Variants in COXFA4 observed in about 807,000 individuals in gnomAD.
COXFA4 encodes cytochrome c oxidase associated subunit FA4.
the COXFA4 span, chr7:10,932,981 A>T: frequency 7.2e-5 from 11 of 152,470 alleles, no homozygotes; most frequent in African/African-American, 2.7e-4. Context: ...AAAAAAAGAA[A>T]AAAGAAAAGA....
the COXFA4 span, chr7:10,938,294 G>T: frequency 4.3e-6 from 3 of 693,090 alleles, no homozygotes; most frequent in Non-Finnish European, 7.3e-6. Context: ...ACAGGTAGAG[G>T]ATCTATAATA....
At chr7:10,933,160 A>G in the COXFA4 span, 11 of 158,654 alleles carry the variant, frequency 6.9e-5, no homozygotes, top group Admixed American at 3.1e-4. Context: ...AACCATTGTT[A>G]AAAACTGCAC....
At chr7:10,938,534 TA>T in the COXFA4 span, 1 of 433,682 alleles carries the variant, frequency 2.3e-6, no homozygotes, top group Admixed American at 3.8e-5. Context: ...GATTATTTTA[TA>T]AAAACAATTA....
the COXFA4 span, among the ~76,000 whole-genome samples, chr7:10,937,409 A>T: frequency 1.3e-5 from 2 of 151,698 alleles, no homozygotes; most frequent in African/African-American, 4.8e-5. Context: ...CAGCCTCCCG[A>T]GCAGCTGTGA....
At chr7:10,936,616 T>C in the COXFA4 span, among the ~76,000 whole-genome samples, 3 of 152,174 alleles carry the variant, frequency 2.0e-5, no homozygotes, top group Admixed American at 6.5e-5. Flanking sequence ...ACAGATGAGA[T>C]CGATGTTTCA....
At chr7:10,935,605 G>A in the COXFA4 span, among the ~76,000 whole-genome samples, 3 of 152,152 alleles carry the variant, frequency 2.0e-5, no homozygotes, top group South Asian at 4.1e-4. Context: ...AGGTCATGAG[G>A]GTGGAACACT....
At chr7:10,938,080 T>C in the COXFA4 span, 2 of 1,611,488 alleles carry the variant, frequency 1.2e-6, no homozygotes, top group Non-Finnish European at 1.7e-6. Flanking sequence ...AAAACAATTT[T>C]GTAGTTTACC....
At chr7:10,938,641 T>C in the COXFA4 span, 1 of 588,374 alleles carries the variant, frequency 1.7e-6, no homozygotes, top group Non-Finnish European at 3.0e-6. Flanking sequence ...GATAATTTCA[T>C]GAACCAAAAA....
the COXFA4 span, chr7:10,933,678 A>G: frequency 1.9e-6 from 3 of 1,609,514 alleles, no homozygotes; most frequent in Admixed American, 5.0e-5. Context: ...TGTAATCCAC[A>G]TTCACTGAGT....
the COXFA4 span, chr7:10,939,708 C>A: frequency 2.2e-6 from 1 of 450,938 alleles, no homozygotes; most frequent in Non-Finnish European, 4.1e-6. Flanking sequence ...TCTATCCCTC[C>A]TGGACCGCAC....
the COXFA4 span, among the ~76,000 whole-genome samples, chr7:10,937,614 T>C: frequency 6.6e-6 from 1 of 152,116 alleles, no homozygotes; most frequent in African/African-American, 2.4e-5. Context: ...GCAGGGTCTT[T>C]GTATGCAAAA....
At chr7:10,937,941 C>T in the COXFA4 span, 2 of 657,152 alleles carry the variant, frequency 3.0e-6, no homozygotes, top group Non-Finnish European at 5.5e-6. Context: ...AGCAATATAC[C>T]ATTTTCATTT....
chr7:10,933,913 G>A, the COXFA4 span, among the ~76,000 whole-genome samples: 1 of 152,076 alleles, frequency 6.6e-6, no homozygotes, highest in Non-Finnish European at 1.5e-5. Flanking sequence ...ATTTATTTCA[G>A]AAGAGCAGTA....
At chr7:10,934,376 T>TTAAAAA in the COXFA4 span, among the ~76,000 whole-genome samples, 2 of 127,002 alleles carry the variant, frequency 1.6e-5, no homozygotes, top group African/African-American at 5.9e-5. Flanking sequence ...GTGATTGCTT[T>TTAAAAA]AAAAAAAAAA....
chr7:10,940,130 T>C, the COXFA4 span: 3 of 1,462,066 alleles, frequency 2.1e-6, no homozygotes, highest in Non-Finnish European at 2.9e-6. Context: ...AAAAATTATC[T>C]GCAATGAGAC....
the COXFA4 span, chr7:10,938,946 G>A: frequency 6.5e-6 from 9 of 1,380,212 alleles, no homozygotes; most frequent in South Asian, 2.3e-5. Flanking sequence ...TTAAAACACT[G>A]GCCAACGAGA....
chr7:10,938,734 T>C, the COXFA4 span: 24 of 1,019,530 alleles, frequency 2.4e-5, no homozygotes, highest in Admixed American at 5.1e-5. Context: ...CCTAATGTTA[T>C]CGCCCTACAG....
At chr7:10,936,553 G>A in the COXFA4 span, among the ~76,000 whole-genome samples, 1 of 152,120 alleles carries the variant, frequency 6.6e-6, no homozygotes, top group East Asian at 1.9e-4. Context: ...AATGTCATAA[G>A]ACATAAAAAC....
At chr7:10,939,702 TC>T in the COXFA4 span, 11,792 of 434,924 alleles carry the variant, frequency 0.027, 226 homozygotes, top group Middle Eastern at 0.055. Context: ...CGCACATCTA[TC>T]CCTCCTGGAC....
Sources: allele counts gnomAD v4.1 joint callset (sites outside exome capture counted in the v4.1 genomes callset), GRCh38; gene constraint gnomAD v4.1.1; transcripts MANE v1.5; gene names NCBI Gene and HGNC (gene_info 2026-07-23, HGNC 2026-07-21).